The following ZNF420 variants were observed in gnomAD, a reference collection of about 807,000 sequenced individuals.
ZNF420 encodes the protein zinc finger protein 420.
Under a neutral mutation model 44.7 loss-of-function variants are expected in ZNF420, and 31 were observed. That is an observed-to-expected ratio of 0.69 (90% CI 0.52 to 0.94). The LOEUF (loss-of-function observed/expected upper bound fraction) is 0.94. Ranked by LOEUF, ZNF420 falls within the 40% of genes least tolerant of loss-of-function variation. ZNF420 has a pLI of 0.00. For synonymous variants in ZNF420, 245 were observed against 267.4 expected, an observed-to-expected ratio of 0.92 and a Z score of 0.82; for missense variants, 681 against 827.9, an observed-to-expected ratio of 0.82 and a Z score of 2.18.
At chr19:37,103,642 T>C (rs1374831205) in intron 4 of ZNF420, among the ~76,000 whole-genome samples, 4 of 152,218 alleles carry the variant, frequency 2.6e-5, no homozygotes, top group Non-Finnish European at 4.4e-5. Context: ...TCAACCTCTT[T>C]TCCTATTAAC....
At chr19:37,124,860 G>A (rs1971259510) in intron 4 of ZNF420, among the ~76,000 whole-genome samples, 1 of 151,636 alleles carries the variant, frequency 6.6e-6, no homozygotes, top group South Asian at 2.1e-4. Context: ...TTTTTGAGAT[G>A]AAGTCTTGCA....
intron 4 of ZNF420, chr19:37,096,096 G>A (rs1315540260): frequency 6.6e-6 from 1 of 152,066 alleles, no homozygotes; most frequent in African/African-American, 2.4e-5. Flanking sequence ...TCTGCCATCT[G>A]TTTCATTGTT....
In ZNF420 at chr19:37,028,100, C is replaced by T. The variant is rs1400338080; in HGVS notation, c.-125+20018C>T. Among the ~76,000 whole-genome samples the T allele has an allele frequency of 2.0e-5, 3 of 152,150 alleles. No homozygotes were observed. The East Asian group carries it at 5.8e-4, about 29-fold the overall frequency. Reference sequence around the variant, plus strand: ...CCTCACCAGCATTTGGTGGTGTCAGCGTTTGGATTTGAGCCAGTCTAACAG... The same window carrying T: ...CCTCACCAGCATTTGGTGGTGTCAGTGTTTGGATTTGAGCCAGTCTAACAG... On this transcript the variant is annotated intron_variant, in intron 1 of 4. Transcript: ENST00000587029.
At chr19:37,050,816 T>C (rs954136498) in intron 1 of ZNF420, among the ~76,000 whole-genome samples, 6 of 152,328 alleles carry the variant, frequency 3.9e-5, no homozygotes, top group Non-Finnish European at 5.9e-5. Flanking sequence ...ATGCTTCCAG[T>C]TTTTGTCCAT....
chr19:37,120,322 C>T (rs571479277), intron 4 of ZNF420, among the ~76,000 whole-genome samples: 2,744 of 151,886 alleles, frequency 0.018, 62 homozygotes, highest in East Asian at 0.045. Context: ...GTTCAACATA[C>T]ACAAATCAAT....
chr19:37,078,702 G>A (rs905455689), intron 1 of ZNF420, 132 bp downstream of exon 1: 1 of 152,530 alleles, frequency 6.6e-6, no homozygotes, highest in Non-Finnish European at 1.5e-5. Context: ...GTGCATACAC[G>A]ACTGGACGTG....
In ZNF420 at chr19:37,127,243, C is replaced by G. The variant is rs932507491; in HGVS notation, c.252C>G (p.Ser84=). The part of the protein sequence containing the change: ...DRLENCDLEE[S]NSRDYLEAKG... ...TTGAAAACTGTGATCTTGAAGAGTC[C>G]AATTCCAGGGATTATTTGGAAGCCA... The change falls in exon 5 of 5, where the codon TCC becomes TCG. Residue 84 remains serine, a synonymous_variant. Coordinates refer to ENST00000337995, the MANE Select transcript of ZNF420 (RefSeq NM_144689.5). 2.5e-6 allele frequency: 4 copies of G among 1,613,196 alleles called. No individual in the cohort carries two copies. Among genetic ancestry groups the G allele is most frequent in the Non-Finnish European group, 8.5e-7 (1 of 1,179,678 alleles).
At chr19:37,123,577 CTTT>C in intron 4 of ZNF420, among the ~76,000 whole-genome samples, 1 of 105,846 alleles carries the variant, frequency 9.4e-6, no homozygotes, top group South Asian at 3.2e-4. Flanking sequence ...TGCTTGACTT[CTTT>C]ATTTTCTTTT....
At chr19:37,078,311 G>C (rs1039306702), upstream of ZNF420, 3 of 152,270 alleles carry the variant, frequency 2.0e-5, no homozygotes, top group African/African-American at 7.2e-5. Flanking sequence ...CGGGCCTCCT[G>C]GCGTTCTGGC....
At chr19:37,020,621 C>T (rs1401778002) in intron 1 of ZNF420, among the ~76,000 whole-genome samples, 1 of 152,168 alleles carries the variant, frequency 6.6e-6, no homozygotes, top group Non-Finnish European at 1.5e-5. Flanking sequence ...GCATTATGCA[C>T]AATAGCTAAA....
intron 1 of ZNF420, among the ~76,000 whole-genome samples, chr19:37,023,343 T>A (rs1340449029): frequency 6.6e-6 from 1 of 152,158 alleles, no homozygotes; most frequent in Admixed American, 6.5e-5. Context: ...AATAGAAGAA[T>A]GCCAGAAAAG....
chr19:37,046,932 C>T (rs7247758), intron 1 of ZNF420, among the ~76,000 whole-genome samples: 24,425 of 151,732 alleles, frequency 0.16, 2,067 homozygotes, highest in African/African-American at 0.22. Flanking sequence ...CCAAGGTATG[C>T]TATGAGCCAA....
chr19:37,013,020 C>A (rs117594553), intron 1 of ZNF420, among the ~76,000 whole-genome samples: 350 of 152,156 alleles, frequency 2.3e-3, no homozygotes, highest in Middle Eastern at 6.8e-3. Context: ...CCTGCCGTTC[C>A]ACTTTGCATT....
At chr19:37,123,851 G>T (rs149129672) in intron 4 of ZNF420, among the ~76,000 whole-genome samples, 2 of 151,350 alleles carry the variant, frequency 1.3e-5, no homozygotes, top group African/African-American at 4.9e-5. Flanking sequence ...CTCGTAATCC[G>T]CCCGCCTCAG....
At chr19:37,096,116 G>T (rs1969439910) in intron 4 of ZNF420, 1 of 151,928 alleles carries the variant, frequency 6.6e-6, no homozygotes, top group Non-Finnish European at 1.5e-5. Context: ...TATTCCTTTT[G>T]TAAGTAATCT....
At chr19:37,043,475 G>T (rs1287811328) in intron 1 of ZNF420, among the ~76,000 whole-genome samples, 1 of 151,884 alleles carries the variant, frequency 6.6e-6, no homozygotes, top group Non-Finnish European at 1.5e-5. Context: ...ATTTTTAAGG[G>T]GCTGGCCCCT....
At chr19:37,011,757 C>G (rs1333988386) in intron 1 of ZNF420, among the ~76,000 whole-genome samples, 1 of 152,134 alleles carries the variant, frequency 6.6e-6, no homozygotes, top group African/African-American at 2.4e-5. Context: ...CCCCATATGG[C>G]CTTGGTGACA....
intron 1 of ZNF420, among the ~76,000 whole-genome samples, chr19:37,036,727 G>A (rs1967361091): frequency 6.6e-6 from 1 of 152,156 alleles, no homozygotes; most frequent in Non-Finnish European, 1.5e-5. Flanking sequence ...AGCCATCCAA[G>A]CATATAGAGC....
Position 37,130,150 on chromosome 19 carries a change from C to G in ZNF420, c.*1092C>G, listed in dbSNP as rs1202892118. On this transcript the variant is annotated 3_prime_UTR_variant, in exon 5 of 5. Transcript: ENST00000337995. ...TACAATGTGGACATCTAAGCTGGAG[C>G]TCCGTTACTCTCATGGGGACTTTGA... The G allele has an allele frequency of 1.3e-6, 2 of 1,550,382 alleles. No homozygotes were observed. Among genetic ancestry groups the G allele is most frequent in the South Asian group, 2.4e-5 (2 of 84,048 alleles).
Sources: gnomAD v4.1 joint callset for allele counts (sites outside exome capture counted in the v4.1 genomes callset) on GRCh38, gnomAD v4.1.1 for gene constraint, MANE v1.5 for transcripts, NCBI Gene and HGNC (gene_info 2026-07-23, HGNC 2026-07-21) for gene names.